The following ANKFN1 variants were observed in gnomAD, a reference collection of about 807,000 sequenced individuals.
ANKFN1 encodes ankyrin repeat and fibronectin type-III domain-containing protein 1.
Under a neutral mutation model 108.7 loss-of-function variants are expected in ANKFN1, and 74 were observed. The observed-to-expected ratio is 0.68, with a 90% confidence interval of 0.56 to 0.83. The LOEUF (loss-of-function observed/expected upper bound fraction) is 0.83. ANKFN1 is among the 40% of genes least tolerant of loss of function. The pLI is 0.00. For missense variants in ANKFN1, 1,505 were observed against 1,382.3 expected, an observed-to-expected ratio of 1.09 and a Z score of -1.41; for synonymous variants, 547 against 516.2, an observed-to-expected ratio of 1.06 and a Z score of -0.81.
At chr17:56,376,397 A>T (rs554452916) in intron 8 of ANKFN1, among the ~76,000 whole-genome samples, 1 of 152,324 alleles carries the variant, frequency 6.6e-6, no homozygotes, top group South Asian at 2.1e-4. Context: ...GAAACCACCC[A>T]GGATGGCCCC....
At chr17:56,238,971 C>G (rs904347539) in intron 3 of ANKFN1, among the ~76,000 whole-genome samples, 1 of 151,992 alleles carries the variant, frequency 6.6e-6, no homozygotes, top group African/African-American at 2.4e-5. Flanking sequence ...TTTAAAAAAT[C>G]TGTTTTAGAC....
In ANKFN1 at chr17:56,174,525, C is replaced by A. The variant is rs147571043; in HGVS notation, c.-71+20995C>A. 1.1e-4 allele frequency: 63 copies of A among 583,238 alleles called. 1 individual carries two copies. In the East Asian group the frequency reaches 3.5e-3, roughly 32 times the overall value. The allele number at this position is 583,238 out of a possible 1,614,324, so 36.1% of individuals were successfully genotyped here. ...AGTCTCTCTGTGCCTTTGGGACAGC[C>A]TCTCCCCCTTCTCACCATCATCTTT... On this transcript the variant is annotated intron_variant, in intron 1 of 20. Transcript: ENST00000682825.
intron 1 of ANKFN1, among the ~76,000 whole-genome samples, chr17:56,193,007 G>A (rs1224564901): frequency 1.4e-5 from 2 of 137,940 alleles, no homozygotes; most frequent in South Asian, 2.5e-4. Context: ...CAACCCAAAT[G>A]TCCAAAAATG....
intron 4 of ANKFN1, among the ~76,000 whole-genome samples, chr17:56,092,525 C>T (rs1050635620): frequency 3.3e-5 from 5 of 151,028 alleles, no homozygotes; most frequent in South Asian, 2.1e-4. Flanking sequence ...CCACCCACCT[C>T]GGCCTCCCAA....
At chr17:56,100,411 A>G (rs1436648919) in intron 4 of ANKFN1, among the ~76,000 whole-genome samples, 2 of 152,226 alleles carry the variant, frequency 1.3e-5, no homozygotes, top group Non-Finnish European at 2.9e-5. Context: ...TTTGGAGACA[A>G]TATTTTCCTT....
intron 4 of ANKFN1, among the ~76,000 whole-genome samples, chr17:56,060,198 A>G (rs940133468): frequency 5.3e-5 from 8 of 151,212 alleles, no homozygotes; most frequent in African/African-American, 2.0e-4. Context: ...AGCAATTGTG[A>G]ATGGGAGTTC....
chr17:56,310,007 G>A (rs928590751), intron 3 of ANKFN1, among the ~76,000 whole-genome samples: 2 of 152,122 alleles, frequency 1.3e-5, no homozygotes, highest in East Asian at 3.9e-4. Flanking sequence ...AGGATCATCC[G>A]CTTCACATGA....
intron 15 of ANKFN1, among the ~76,000 whole-genome samples, chr17:56,469,783 C>CTTTTTTTTTTT: frequency 6.7e-6 from 1 of 149,696 alleles, no homozygotes; most frequent in Non-Finnish European, 1.5e-5. Context: ...AATTTTTTTT[C>CTTTTTTTTTTT]TTTTTATTTT....
chr17:56,267,212 C>A (rs891823702), intron 3 of ANKFN1, among the ~76,000 whole-genome samples: 17 of 152,186 alleles, frequency 1.1e-4, no homozygotes, highest in Admixed American at 2.0e-4. Context: ...TGTGTTGCGG[C>A]AAAGGACATA....
chr17:56,297,500 G>A (rs2044548403), intron 3 of ANKFN1, among the ~76,000 whole-genome samples: 1 of 152,182 alleles, frequency 6.6e-6, no homozygotes, highest in Admixed American at 6.5e-5. Context: ...AAGATTTTCA[G>A]CTGGTTGAAC....
chr17:56,335,997 G>A (rs2144592745), intron 4 of ANKFN1, among the ~76,000 whole-genome samples: 1 of 152,320 alleles, frequency 6.6e-6, no homozygotes, highest in Middle Eastern at 3.4e-3. Flanking sequence ...CGTTGGTTCT[G>A]TTTATGTAAT....
At chr17:56,449,945 AG>A (rs1172314262) in intron 11 of ANKFN1, among the ~76,000 whole-genome samples, 1 of 152,202 alleles carries the variant, frequency 6.6e-6, no homozygotes, top group Non-Finnish European at 1.5e-5. Context: ...AGGCTTTAAA[AG>A]CTTCTTTTCT....
rs557741745 is a variant in ANKFN1 at position 56,432,336 on chromosome 17, A to G, written c.911-7991A>G. 8.1e-5 allele frequency among the ~76,000 whole-genome samples: 12 copies of G among 148,020 alleles called. No individual in the cohort carries two copies. The South Asian group carries it at 2.3e-3, about 28-fold the overall frequency. On this transcript the variant is annotated intron_variant, in intron 8 of 20. Coordinates refer to ENST00000682825, the MANE Select transcript of ANKFN1 (RefSeq NM_001370326.1). ...GTTTGTCTGAGTTAGTGATGTGACT[A>G]CTTTTAGTTCAGTGTCCTAAAAGTG...
chr17:56,089,222 TG>T (rs1414298435), intron 4 of ANKFN1, among the ~76,000 whole-genome samples: 2 of 151,492 alleles, frequency 1.3e-5, no homozygotes, highest in African/African-American at 4.8e-5. Flanking sequence ...TTTCTGTCTT[TG>T]TATGTATACA....
rs151088621 is a variant in ANKFN1 at position 56,461,053 on chromosome 17, C to T, written c.1557+3074C>T. Among the ~76,000 whole-genome samples, 7 of 152,244 alleles carry T rather than the reference C, an allele frequency of 4.6e-5. No individual in the cohort carries two copies. In the East Asian group the frequency reaches 1.4e-3, roughly 29 times the overall value. On this transcript the variant is annotated intron_variant, in intron 14 of 20. Coordinates refer to ENST00000682825, the MANE Select transcript of ANKFN1 (RefSeq NM_001370326.1). ...CTTGCATGAGCTATGAGTGTGGGAC[C>T]CCTGTAAGTGTGGAACCCACAGTGT...
chr17:56,134,528 A>G (rs1907480258), intron 4 of ANKFN1, among the ~76,000 whole-genome samples: 1 of 152,142 alleles, frequency 6.6e-6, no homozygotes, highest in African/African-American at 2.4e-5. Context: ...GGAAATTCCA[A>G]GAGATTTAGG....
In ANKFN1 at chr17:56,281,643, C is replaced by T. The variant is rs562608414; in HGVS notation, c.54-44578C>T. Reference sequence around the variant, plus strand: ...CAGAATACATAAAGAACTACTAAAACTCAACAACAAAAAGACAACCCAATT... The same window carrying T: ...CAGAATACATAAAGAACTACTAAAATTCAACAACAAAAAGACAACCCAATT... On this transcript the variant is annotated intron_variant, in intron 3 of 20. Coordinates refer to ENST00000682825, the MANE Select transcript of ANKFN1 (RefSeq NM_001370326.1). Among the ~76,000 whole-genome samples, 19 of 152,176 alleles carry T rather than the reference C, an allele frequency of 1.2e-4. No individual in the cohort carries two copies. The South Asian group carries it at 3.9e-3, about 32-fold the overall frequency.
At chr17:56,125,775 G>C (rs1024367566) in intron 4 of ANKFN1, among the ~76,000 whole-genome samples, 5 of 152,212 alleles carry the variant, frequency 3.3e-5, no homozygotes, top group Admixed American at 6.5e-5. Flanking sequence ...GTTCTAAGTA[G>C]AGATGGAAAT....
At chr17:56,264,004 TTG>T (rs2043585688) in intron 3 of ANKFN1, among the ~76,000 whole-genome samples, 2 of 152,276 alleles carry the variant, frequency 1.3e-5, no homozygotes, top group South Asian at 4.1e-4. Flanking sequence ...AGAAAGTGTT[TTG>T]TGTGAGACTC....
Sources: gnomAD v4.1 joint callset for allele counts (sites outside exome capture counted in the v4.1 genomes callset) on GRCh38, gnomAD v4.1.1 for gene constraint, MANE v1.5 for transcripts, NCBI Gene and HGNC (gene_info 2026-07-23, HGNC 2026-07-21) for gene names.